Variants in DPEP2 observed in about 807,000 individuals in gnomAD.
The protein encoded by DPEP2 is dipeptidase 2.
A neutral mutation model predicts 51.8 loss-of-function variants in DPEP2; 45 were observed. That is an observed-to-expected ratio of 0.87 (90% CI 0.68 to 1.11). The LOEUF (loss-of-function observed/expected upper bound fraction) is 1.11. DPEP2 is among the 50% of genes most tolerant of loss of function. The probability of loss-of-function intolerance (pLI) is 0.00; values close to 1 mark genes in which losing one functional copy is unlikely to be tolerated. For synonymous variants in DPEP2, 255 were observed against 262.7 expected (o/e 0.97, Z 0.28); for missense variants, 604 against 631.9 (o/e 0.96, Z 0.47).
chr16:67,991,043 A>G lies in DPEP2; in HGVS notation c.733-46T>C, dbSNP rs371861188. ...AAGGGTATCAGGGGTGCACATGTGT[A>G]TACATTTATTTGTAAGAAACAGCTG... On this transcript the variant is annotated intron_variant, in intron 6 of 10. Coordinates refer to ENST00000393847, the MANE Select transcript of DPEP2 (RefSeq NM_022355.4). This position sits in a 1 kb window ranked among gnomAD's most constrained non-coding sequence, Gnocchi z 5.1. 1 of 1,613,900 alleles carries G rather than the reference A, an allele frequency of 6.2e-7. No individual in the cohort carries two copies. Among genetic ancestry groups the G allele is most frequent in the Non-Finnish European group, 8.5e-7 (1 of 1,179,888 alleles).
At chr16:67,994,816 A>G (rs1036508745) in intron 1 of DPEP2, 1 of 985,316 alleles carries the variant, frequency 1.0e-6, no homozygotes, top group Admixed American at 6.1e-5. Context: ...GATGTTGCCC[A>G]GTGTCTGCTG....
At chr16:67,998,500 C>G (rs1188681700) in intron 1 of DPEP2, among the ~76,000 whole-genome samples, 5 of 152,204 alleles carry the variant, frequency 3.3e-5, no homozygotes, top group Non-Finnish European at 4.4e-5. Flanking sequence ...GCCTCCCACC[C>G]CCTCCATGGG....
Position 67,993,239 on chromosome 16 carries a change from G to A in DPEP2, c.-27C>T, listed in dbSNP as rs1214583332. The A allele has an allele frequency of 1.4e-5, 20 of 1,416,060 alleles. No homozygotes were observed. In the East Asian group the frequency reaches 1.9e-4, roughly 13 times the overall value. 87.7% of individuals were successfully genotyped at this position (1,416,060 alleles called of 1,614,324 possible). On this transcript the variant is annotated 5_prime_UTR_variant, in exon 2 of 11. Coordinates refer to ENST00000393847, the MANE Select transcript of DPEP2 (RefSeq NM_022355.4). ...TTGTGCAGGGCCGGGCAGGCAGGCA[G>A]GGGTGGCAGTCAGAGAGCCTGAGAG...
At chr16:67,999,585 A>G (rs994027455), upstream of DPEP2, 4 of 810,668 alleles carry the variant, frequency 4.9e-6, no homozygotes, top group Non-Finnish European at 6.0e-6. Context: ...CTTCTGGGGC[A>G]TGAGTGTTCA....
intron 9 of DPEP2, 39 bp downstream of exon 9, chr16:67,989,284 T>C (rs1335641558): frequency 3.7e-6 from 6 of 1,612,320 alleles, no homozygotes; most frequent in Non-Finnish European, 5.1e-6. Flanking sequence ...CCCACTGCTG[T>C]ACAGCTAGCC....
intron 1 of DPEP2, among the ~76,000 whole-genome samples, chr16:67,998,574 C>A (rs2032842508): frequency 6.6e-6 from 1 of 152,236 alleles, no homozygotes; most frequent in South Asian, 2.1e-4. Flanking sequence ...CCAGTCCCAT[C>A]GACCACCACA....
At chr16:67,992,470 C>CT in intron 3 of DPEP2, 40 bp downstream of exon 3, 1 of 1,583,898 alleles carries the variant, frequency 6.3e-7, no homozygotes, top group Non-Finnish European at 8.6e-7. Flanking sequence ...CATCATCCCC[C>CT]AGCAGCCATG....
intron 1 of DPEP2, among the ~76,000 whole-genome samples, chr16:67,997,523 AT>A (rs1291311439): frequency 3.3e-5 from 5 of 151,796 alleles, no homozygotes; most frequent in Admixed American, 6.6e-5. Context: ...CGCCCGGCTA[AT>A]TTTTTGTATT....
At chr16:67,992,220 G>A (rs1167806085) in intron 3 of DPEP2, 27 bp from the exon 4 acceptor site, 1 of 1,611,558 alleles carries the variant, frequency 6.2e-7, no homozygotes, top group Non-Finnish European at 8.5e-7. Context: ...GGTTTGGCTT[G>A]GATGGGGGCT....
chr16:67,992,456 T>TC, intron 3 of DPEP2, 54 bp downstream of exon 3: 1 of 1,571,570 alleles, frequency 6.4e-7, no homozygotes, highest in Non-Finnish European at 8.7e-7. Flanking sequence ...GTCCCCACTC[T>TC]CCCCATCATC....
At chr16:68,000,513 T>G, upstream of DPEP2, 2 of 984,964 alleles carry the variant, frequency 2.0e-6, no homozygotes, top group Non-Finnish European at 2.4e-6. Context: ...TGGAGACTCA[T>G]GCTTCCCTTT....
At chr16:68,000,614 G>A, upstream of DPEP2, 2 of 449,188 alleles carry the variant, frequency 4.5e-6, no homozygotes, top group Non-Finnish European at 5.9e-6. Context: ...CCTGGCCACT[G>A]TAGACAAACA....
At position 67,987,504 on chromosome 16, in the gene DPEP2, C is replaced by T. The variant is rs750283050; in HGVS notation, c.*2G>A. 1.2e-6 allele frequency: 2 copies of T among 1,605,482 alleles called. No individual in the cohort carries two copies. The highest frequency in any genetic ancestry group is 1.7e-6 in the Non-Finnish European group (2 of 1,172,852). On this transcript the variant is annotated 3_prime_UTR_variant, in exon 11 of 11. Transcript: ENST00000393847. ...TGACATCTGGCAGGACTAACTGGGT[C>T]ATCAGAGCCACAGAATAAGGACTGG...
At chr16:67,989,686 A>G (rs1404345553) in intron 8 of DPEP2, among the ~76,000 whole-genome samples, 1 of 152,212 alleles carries the variant, frequency 6.6e-6, no homozygotes, top group Non-Finnish European at 1.5e-5. Flanking sequence ...AGAACCTGGT[A>G]GGAACTCTTT....
chr16:67,993,228 G>T lies in DPEP2; in HGVS notation c.-16C>A. On this transcript the variant is annotated 5_prime_UTR_variant, in exon 2 of 11. Coordinates refer to ENST00000393847, the MANE Select transcript of DPEP2 (RefSeq NM_022355.4). ...AGGGCTGCATGTTGTGCAGGGCCGG[G>T]CAGGCAGGCAGGGGTGGCAGTCAGA... 7.0e-7 allele frequency: 1 copy of T among 1,420,556 alleles called. No individual in the cohort carries two copies. The highest frequency in any genetic ancestry group is 2.7e-5 in the East Asian group (1 of 37,158). The allele number at this position is 1,420,556 out of a possible 1,614,324, so 88.0% of individuals were successfully genotyped here. A position where few individuals can be genotyped will look rare whatever the true frequency, so the allele number is the denominator to read the frequency against.
chr16:67,996,538 C>T (rs1356264729), intron 1 of DPEP2, among the ~76,000 whole-genome samples: 9 of 152,018 alleles, frequency 5.9e-5, no homozygotes, highest in Non-Finnish European at 1.2e-4. Flanking sequence ...TGTGCCACCA[C>T]ACCTGGCTAA....
chr16:67,995,059 C>G (rs910826457), intron 1 of DPEP2: 16 of 215,990 alleles, frequency 7.4e-5, no homozygotes, highest in Non-Finnish European at 1.3e-4. Context: ...CGCCACCACG[C>G]CCGGCTAAAT....
Position 67,989,372 on chromosome 16 carries a change from T to C in DPEP2, c.1021A>G (p.Ile341Val). 6.2e-7 allele frequency: 1 copy of C among 1,614,094 alleles called. No individual in the cohort carries two copies. Among genetic ancestry groups the C allele is most frequent in the Non-Finnish European group, 8.5e-7 (1 of 1,179,990 alleles). ...CCAATCCCGATGAACTTGGATCCAA[T>C]GACAGCCTTGATGTGGTCGAAGTGA... ...ADHFDHIKAV[I>V]GSKFIGIGGD... The change falls in exon 9 of 11, where the codon ATT (isoleucine) becomes GTT (valine). Residue 341 changes from isoleucine to valine, a missense_variant. Coordinates refer to ENST00000393847, the MANE Select transcript of DPEP2 (RefSeq NM_022355.4).
intron 9 of DPEP2, among the ~76,000 whole-genome samples, chr16:67,988,402 A>G (rs528711368): frequency 3.3e-5 from 5 of 149,574 alleles, no homozygotes; most frequent in Admixed American, 1.3e-4. Flanking sequence ...AAAAAGAAAG[A>G]AAGAAAGAAA....
Sources: gnomAD v4.1 joint callset for allele counts (sites outside exome capture counted in the v4.1 genomes callset) on GRCh38, gnomAD v4.1.1 for gene constraint, Gnocchi (gnomAD v3.1) non-coding constraint, MANE v1.5 for transcripts, NCBI Gene and HGNC (gene_info 2026-07-23, HGNC 2026-07-21) for gene names.